MFN1: variants seen among roughly 807,000 people sequenced by gnomAD.
MFN1 encodes the protein mitofusin 1, also known as mitofusin-1.
MFN1 carries 65 observed loss-of-function variants against 92.4 expected under a neutral mutation model. The ratio of observed to expected loss-of-function variants is 0.70; its 90% CI spans 0.58 to 0.86. MFN1 has a LOEUF of 0.86. Among genes scored for constraint, MFN1 ranks in the 40% least tolerant of loss-of-function variants. The pLI, the probability that MFN1 is intolerant of heterozygous loss-of-function variation, is 0.00. For synonymous variants in MFN1, 297 were observed against 300.9 expected (o/e 0.99, Z 0.13); for missense variants, 781 against 868.0 (o/e 0.90, Z 1.26).
chr3:179,350,246 A>T (rs1712093098), intron 2 of MFN1, among the ~76,000 whole-genome samples: 1 of 152,034 alleles, frequency 6.6e-6, no homozygotes. Context: ...CCTTTGGTAG[A>T]TTGGGAATCA....
rs747980745 is a variant in MFN1 at position 179,392,081 on chromosome 3, C to T, written c.*22C>T. 5.3e-6 allele frequency: 8 copies of T among 1,506,186 alleles called. No homozygotes were observed. The East Asian group carries it at 1.6e-4, about 30-fold the overall frequency. 93.3% of individuals were successfully genotyped at this position (1,506,186 alleles called of 1,614,324 possible). A position where few individuals can be genotyped will look rare whatever the true frequency, so the allele number is the denominator to read the frequency against. Reference sequence around the variant, plus strand: ...CTAACAATAGAGATTGCTTTGGTGACCATGATAGGAGGAAACGAAACTTGT... The same window carrying T: ...CTAACAATAGAGATTGCTTTGGTGATCATGATAGGAGGAAACGAAACTTGT... On this transcript the variant is annotated 3_prime_UTR_variant, in exon 18 of 18. Coordinates refer to ENST00000471841, the MANE Select transcript of MFN1 (RefSeq NM_033540.3).
At chr3:179,366,982 C>G (rs1249579576) in intron 7 of MFN1, among the ~76,000 whole-genome samples, 1 of 152,218 alleles carries the variant, frequency 6.6e-6, no homozygotes, top group East Asian at 1.9e-4. Context: ...GGCTGGAGTA[C>G]AGGGGCACGA....
At chr3:179,386,741 T>C in intron 16 of MFN1, 112 bp downstream of exon 16, 1 of 975,296 alleles carries the variant, frequency 1.0e-6, no homozygotes, top group Non-Finnish European at 1.5e-6. Context: ...AAAATGAACA[T>C]GTTTCGTGAT....
rs1263341221 is a variant in MFN1, at chr3:179,348,974, C to T, written c.112+11C>T. On this transcript the variant is annotated intron_variant, in intron 2 of 17. Transcript: ENST00000471841. ...CACATTTTGTTGAAGGTTAGTTCTT[C>T]TTAAGTTTTTAAAGTAATTACTGTT... 6.4e-7 allele frequency: 1 copy of T among 1,571,058 alleles called. No homozygotes were observed. Among genetic ancestry groups the T allele is most frequent in the East Asian group, 2.3e-5 (1 of 43,990 alleles).
In MFN1 at chr3:179,370,247, T is replaced by G. The variant is rs555135524; in HGVS notation, c.975+2144T>G. On this transcript the variant is annotated intron_variant, in intron 9 of 17. Transcript: ENST00000471841. ...ATCTCTTGTTTCTCACTTCTATATTTAAATATAAATATATATCTACATATA... is the reference window on the plus strand; with the variant it reads ...ATCTCTTGTTTCTCACTTCTATATTGAAATATAAATATATATCTACATATA... 1.7e-4 allele frequency among the ~76,000 whole-genome samples: 26 copies of G among 152,000 alleles called. No homozygotes were observed. In the South Asian group the frequency reaches 5.2e-3, roughly 30 times the overall value.
intron 9 of MFN1, 69 bp downstream of exon 9, chr3:179,368,172 A>AT: frequency 8.3e-7 from 1 of 1,199,274 alleles, no homozygotes; most frequent in Non-Finnish European, 1.1e-6. Flanking sequence ...ATAATCTTCT[A>AT]TTTTTATCCT....
At chr3:179,367,310 T>C in intron 7 of MFN1, 129 bp from the exon 8 acceptor site, 1 of 664,370 alleles carries the variant, frequency 1.5e-6, no homozygotes, top group Non-Finnish European at 2.3e-6. Flanking sequence ...TATTAGAATT[T>C]CTTAAATTCA....
intron 9 of MFN1, among the ~76,000 whole-genome samples, chr3:179,368,720 GTT>G (rs1209020038): frequency 6.6e-6 from 1 of 152,138 alleles, no homozygotes; most frequent in Non-Finnish European, 1.5e-5. Context: ...CATTGTAAGT[GTT>G]TTTATTCAGA....
chr3:179,357,663 C>T (rs1292587873), intron 3 of MFN1, among the ~76,000 whole-genome samples: 1 of 152,048 alleles, frequency 6.6e-6, no homozygotes, highest in Non-Finnish European at 1.5e-5. Flanking sequence ...AAAGCAAGTC[C>T]CTGAAGTGAG....
intron 14 of MFN1, among the ~76,000 whole-genome samples, chr3:179,381,916 A>C (rs530440418): frequency 1.3e-5 from 2 of 152,178 alleles, no homozygotes; most frequent in Admixed American, 6.5e-5. Context: ...GATAAGGGAC[A>C]CTCAACCTGT....
At chr3:179,370,031 T>A (rs1712959083) in intron 9 of MFN1, among the ~76,000 whole-genome samples, 1 of 152,144 alleles carries the variant, frequency 6.6e-6, no homozygotes, top group Admixed American at 6.5e-5. Flanking sequence ...GGGCAAAAAA[T>A]ATTATGTCTG....
In MFN1 at chr3:179,377,460, T is replaced by C; in HGVS notation, c.1329+12T>C. The C allele has an allele frequency of 6.9e-7, 1 of 1,457,072 alleles. No homozygotes were observed. Among genetic ancestry groups the C allele is most frequent in the Non-Finnish European group, 9.5e-7 (1 of 1,053,164 alleles). The allele number at this position is 1,457,072 out of a possible 1,614,324, so 90.3% of individuals were successfully genotyped here. A position where few individuals can be genotyped will look rare whatever the true frequency, so the allele number is the denominator to read the frequency against. On this transcript the variant is annotated intron_variant, in intron 12 of 17. Coordinates refer to ENST00000471841, the MANE Select transcript of MFN1 (RefSeq NM_033540.3). ...AAATATATAAAAGTGTAAGTTAAAG[T>C]ATAGATAAAATTATTCAGAGACAGT...
intron 15 of MFN1, 117 bp downstream of exon 15, chr3:179,385,838 A>T (rs1713666763): frequency 5.9e-6 from 6 of 1,008,948 alleles, no homozygotes; most frequent in Non-Finnish European, 7.2e-6. Flanking sequence ...GTAAAATAGT[A>T]TGAAAATTTG....
chr3:179,370,289 C>CT (rs1004942461), intron 9 of MFN1, among the ~76,000 whole-genome samples: 62 of 151,588 alleles, frequency 4.1e-4, no homozygotes, highest in African/African-American at 1.5e-3. Context: ...CACACAGACC[C>CT]TTAATGGGTT....
At chr3:179,384,754 C>T (rs1011486946) in intron 14 of MFN1, among the ~76,000 whole-genome samples, 5 of 152,162 alleles carry the variant, frequency 3.3e-5, no homozygotes, top group Admixed American at 2.0e-4. Flanking sequence ...TGGCTGGTTT[C>T]AAACTCCTGG....
At chr3:179,385,461 G>T in intron 14 of MFN1, 108 bp from the exon 15 acceptor site, 2 of 924,548 alleles carry the variant, frequency 2.2e-6, no homozygotes, top group East Asian at 2.7e-5. Context: ...TCATCATTTA[G>T]GGTAATTTTT....
intron 9 of MFN1, 33 bp downstream of exon 9, chr3:179,368,136 A>G (rs776126617): frequency 1.8e-5 from 27 of 1,470,956 alleles, no homozygotes; most frequent in South Asian, 8.3e-5. Flanking sequence ...GCCTAATACA[A>G]AACTCTTTCT....
At chr3:179,367,404 T>G in intron 7 of MFN1, 35 bp from the exon 8 acceptor site, 1 of 1,567,942 alleles carries the variant, frequency 6.4e-7, no homozygotes, top group Non-Finnish European at 8.6e-7. Flanking sequence ...TTTGTTTAAA[T>G]TATTAGAATT....
Position 179,390,296 on chromosome 3 carries a change from G to A in MFN1, c.2147+158G>A, listed in dbSNP as rs559653761. Among the ~76,000 whole-genome samples, 13 of 152,054 alleles carry A rather than the reference G, an allele frequency of 8.5e-5. No homozygotes were observed. The South Asian group carries it at 1.0e-3, about 12-fold the overall frequency. ...ATTCCATGTGGTTTGCAGTTTCACC[G>A]AAGGTTTAAATGAAAATCTTCCATA... On this transcript the variant is annotated intron_variant, in intron 17 of 17. Coordinates refer to ENST00000471841, the MANE Select transcript of MFN1 (RefSeq NM_033540.3).
Sources: allele counts gnomAD v4.1 joint callset (sites outside exome capture counted in the v4.1 genomes callset), GRCh38; gene constraint gnomAD v4.1.1; transcripts MANE v1.5; gene names NCBI Gene and HGNC (gene_info 2026-07-23, HGNC 2026-07-21).